CFAP46: variants seen among roughly 807,000 people sequenced by gnomAD.
CFAP46 encodes cilia- and flagella-associated protein 46.
In CFAP46, 245 loss-of-function variants were observed where a neutral mutation model predicts 325.7. The ratio of observed to expected loss-of-function variants is 0.75; its 90% CI spans 0.68 to 0.84. The LOEUF (loss-of-function observed/expected upper bound fraction) is 0.84, where lower values mean the gene tolerates loss of function less well. CFAP46 is among the 40% of genes least tolerant of loss of function. The pLI is 0.00. For missense variants in CFAP46, 3,346 were observed against 3,543.0 expected (o/e 0.94, Z 1.41); for synonymous variants, 1,523 against 1,495.9 (o/e 1.02, Z -0.42).
At chr10:132,936,144 C>A (rs1390648702) in intron 7 of CFAP46, among the ~76,000 whole-genome samples, 2 of 115,544 alleles carry the variant, frequency 1.7e-5, no homozygotes, top group African/African-American at 7.4e-5. Context: ...GATATCCTCA[C>A]TCCCCCCGGC....
intron 11 of CFAP46, among the ~76,000 whole-genome samples, chr10:132,923,023 G>A (rs1378497884): frequency 3.3e-5 from 5 of 152,254 alleles, no homozygotes; most frequent in Non-Finnish European, 7.3e-5. Context: ...TGAAGTGTGG[G>A]GTGTGGTTCC....
chr10:132,823,861 GCTGT>G (rs879472900), intron 50 of CFAP46, among the ~76,000 whole-genome samples: 53 of 148,156 alleles, frequency 3.6e-4, no homozygotes, highest in Non-Finnish European at 6.1e-4. Flanking sequence ...GCTGATGTGT[GCTGT>G]CTGTGCGCTG....
chr10:132,822,735 T>A (rs1847896334), intron 50 of CFAP46, among the ~76,000 whole-genome samples: 1 of 138,000 alleles, frequency 7.2e-6, no homozygotes, highest in Admixed American at 7.2e-5. Flanking sequence ...GTGCTGTGTG[T>A]GCAGTGATGT....
At chr10:132,937,238 T>C (rs899701471) in intron 6 of CFAP46, 183 bp from the exon 7 acceptor site, 14 of 530,610 alleles carry the variant, frequency 2.6e-5, no homozygotes, top group East Asian at 1.2e-4. Flanking sequence ...CATATTCTTG[T>C]AGTAATTACT....
In CFAP46 at chr10:132,833,398, A is replaced by G. The variant is rs531277429; in HGVS notation, c.7077T>C (p.Ser2359=). The change falls in exon 50 of 58, where the codon TCT becomes TCC. Residue 2359 remains serine, a synonymous_variant. Coordinates refer to ENST00000368586, the MANE Select transcript of CFAP46 (RefSeq NM_001200049.3). Reference sequence around the variant, plus strand: ...GGAGGCGATTCCACAGCATTTGAAGAGAAAATTCTCGTGACACAGAGGAAA... The same window carrying G: ...GGAGGCGATTCCACAGCATTTGAAGGGAAAATTCTCGTGACACAGAGGAAA... ...GTISSVSREF[S]LQMLWNRLHK... The G allele has an allele frequency of 1.2e-6, 2 of 1,614,216 alleles. No individual in the cohort carries two copies. The highest frequency in any genetic ancestry group is 1.7e-5 in the Admixed American group (1 of 60,036).
chr10:132,834,624 G>T (rs755257063), intron 48 of CFAP46, 30 bp downstream of exon 48: 1 of 1,610,026 alleles, frequency 6.2e-7, no homozygotes, highest in South Asian at 1.1e-5. Context: ...GAGCGTGGTG[G>T]GGTGCCAGCC....
At chr10:132,830,809 A>G (rs1310855973) in intron 50 of CFAP46, among the ~76,000 whole-genome samples, 2 of 152,130 alleles carry the variant, frequency 1.3e-5, no homozygotes. Flanking sequence ...TCTTATTTTC[A>G]TCATCCTTGA....
chr10:132,929,389 GAC>G (rs1849856743), intron 9 of CFAP46: 3 of 660,066 alleles, frequency 4.5e-6, no homozygotes, highest in Non-Finnish European at 8.5e-6. Flanking sequence ...CCAATAATGG[GAC>G]TGGTGGAGGA....
rs1326414039 is a variant in CFAP46 at position 132,880,928 on chromosome 10, C to A, written c.3732G>T (p.Trp1244Cys). 1 of 1,550,400 alleles carries A rather than the reference C, an allele frequency of 6.4e-7. No individual in the cohort carries two copies. Among genetic ancestry groups the A allele is most frequent in the Non-Finnish European group, 8.7e-7 (1 of 1,146,910 alleles). The change falls in exon 28 of 58, where the codon TGG becomes TGT. Residue 1244 changes from tryptophan to cysteine, a missense_variant. Coordinates refer to ENST00000368586, the MANE Select transcript of CFAP46 (RefSeq NM_001200049.3). ...TCATGGCCAGCAGGATCTCGACAGC[C>A]CAGCGGAGGTGGAAGACCACGTCCT... ...PLEDVVFHLR[W>C]AVEILLAMKP...
At chr10:132,912,616 T>TC (rs1250729496) in intron 19 of CFAP46, 39 bp downstream of exon 19, 13 of 1,064,734 alleles carry the variant, frequency 1.2e-5, no homozygotes, top group Admixed American at 3.1e-5. Flanking sequence ...TCTCTCTCTC[T>TC]CTCTCTCTCT....
chr10:132,814,675 T>A lies in CFAP46; in HGVS notation c.7249+11A>T. 1 of 1,594,870 alleles carries A rather than the reference T, an allele frequency of 6.3e-7. No individual in the cohort carries two copies. The highest frequency in any genetic ancestry group is 8.5e-7 in the Non-Finnish European group (1 of 1,170,644). ...GGGTCTGGGGCCCCCCCGGGGCCCA[T>A]CAAAGGATACACTTGAAGTTGTCTG... On this transcript the variant is annotated intron_variant, in intron 52 of 57. Transcript: ENST00000368586.
chr10:132,909,988 G>C lies in CFAP46; in HGVS notation c.2580C>G (p.Ile860Met). The C allele has an allele frequency of 6.5e-7, 1 of 1,543,646 alleles. No homozygotes were observed. Among genetic ancestry groups the C allele is most frequent in the Non-Finnish European group, 8.7e-7 (1 of 1,144,630 alleles). ...TVPTGTRQQL[I>M]ATWVKAKQLL... ...GCTGCTTGGCCTTGACCCAGGTGGC[G>C]ATAAGCTGCTGCCGGGTGCCGGTGG... is the stretch of plus-strand genomic sequence containing the variant. Residue 860 changes from isoleucine to methionine, a missense_variant, in exon 20 of 58, where the codon ATC (isoleucine) becomes ATG (methionine). By Grantham distance (10) the Ile-to-Met change is conservative (BLOSUM62 1). Coordinates refer to ENST00000368586, the MANE Select transcript of CFAP46 (RefSeq NM_001200049.3).
In CFAP46 at chr10:132,846,969, T is replaced by A. The variant is rs1374971370; in HGVS notation, c.6230A>T (p.Asp2077Val). The change falls in exon 43 of 58, where the codon GAC (aspartate) becomes GTC (valine). Residue 2077 changes from aspartate to valine, a missense_variant. Transcript: ENST00000368586. ...LEMVECVGTL[D>V]PATTCQFLAL... ...CAGGAACTGGCAGGTAGTTGCAGGGTCCAGGGTGCCGACACACTCCACCAT... is the reference window on the plus strand; with the variant it reads ...CAGGAACTGGCAGGTAGTTGCAGGGACCAGGGTGCCGACACACTCCACCAT... The A allele has an allele frequency of 1.2e-6, 2 of 1,610,684 alleles. No individual in the cohort carries two copies. The highest frequency in any genetic ancestry group is 1.7e-5 in the Admixed American group (1 of 59,952).
chr10:132,824,203 ATG>A (rs1332751712), intron 50 of CFAP46, among the ~76,000 whole-genome samples: 23 of 99,828 alleles, frequency 2.3e-4, no homozygotes, highest in Non-Finnish European at 3.9e-4. Context: ...GTGAGTGCTG[ATG>A]TGTGCTGTGT....
intron 32 of CFAP46, among the ~76,000 whole-genome samples, chr10:132,871,187 AAC>A (rs1848892035): frequency 1.3e-5 from 2 of 152,216 alleles, no homozygotes; most frequent in South Asian, 4.1e-4. Context: ...TGCTCAGAAA[AAC>A]AGATTCCTTT....
At chr10:132,842,228 C>G (rs1848358012) in intron 44 of CFAP46, among the ~76,000 whole-genome samples, 1 of 152,252 alleles carries the variant, frequency 6.6e-6, no homozygotes, top group African/African-American at 2.4e-5. Flanking sequence ...CCCTTGTTCA[C>G]CACTCTGAAG....
At chr10:132,938,802 C>T in intron 4 of CFAP46, 49 bp from the exon 5 acceptor site, 1 of 1,575,178 alleles carries the variant, frequency 6.3e-7, no homozygotes, top group South Asian at 1.2e-5. Flanking sequence ...GCCCAGCCGG[C>T]CCAAGCTGCA....
chr10:132,821,501 G>A (rs1285855356), intron 50 of CFAP46, among the ~76,000 whole-genome samples: 2 of 145,512 alleles, frequency 1.4e-5, no homozygotes, highest in African/African-American at 2.7e-5. Context: ...GCTGATGTGT[G>A]CTGTGTGCGC....
chr10:132,810,665 A>G lies in CFAP46; in HGVS notation c.7584-176T>C, dbSNP rs1591026409. On this transcript the variant is annotated intron_variant, in intron 56 of 57. Coordinates refer to ENST00000368586, the MANE Select transcript of CFAP46 (RefSeq NM_001200049.3). ...GTTTGCCAGGATGCTCTTGACGCCCACCAGGCTCAGCAGGATGGCCGCCTC... is the reference window on the plus strand; with the variant it reads ...GTTTGCCAGGATGCTCTTGACGCCCGCCAGGCTCAGCAGGATGGCCGCCTC... The G allele has an allele frequency of 8.1e-6, 6 of 742,196 alleles. No individual in the cohort carries two copies. In the East Asian group the frequency reaches 1.1e-4, roughly 13 times the overall value. The allele number at this position is 742,196 out of a possible 1,614,324, so 46.0% of individuals were successfully genotyped here. A position where few individuals can be genotyped will look rare whatever the true frequency, so the allele number is the denominator to read the frequency against.
Sources: allele counts gnomAD v4.1 joint callset (sites outside exome capture counted in the v4.1 genomes callset), GRCh38; gene constraint gnomAD v4.1.1; transcripts MANE v1.5; gene names NCBI Gene and HGNC (gene_info 2026-07-23, HGNC 2026-07-21).